GPC6: variants seen among roughly 807,000 people sequenced by gnomAD.
GPC6 encodes glypican 6.
Under a neutral mutation model 55.2 loss-of-function variants are expected in GPC6, and 14 were observed. The ratio of observed to expected loss-of-function variants is 0.25; its 90% CI spans 0.17 to 0.40. GPC6 has a LOEUF of 0.40. Ranked by LOEUF, GPC6 falls within the 10% of genes least tolerant of loss-of-function variation. The pLI is 1.00. For missense variants in GPC6, 641 were observed against 708.5 expected, an observed-to-expected ratio of 0.90 and a Z score of 1.08; for synonymous variants, 278 against 259.6, an observed-to-expected ratio of 1.07 and a Z score of -0.68.
At chr13:93,260,940 A>G (rs1367675896) in intron 1 of GPC6, among the ~76,000 whole-genome samples, 2 of 152,130 alleles carry the variant, frequency 1.3e-5, no homozygotes, top group Non-Finnish European at 2.9e-5. Flanking sequence ...GAATTATAAA[A>G]TGTTATGGTG....
intron 1 of GPC6, among the ~76,000 whole-genome samples, chr13:93,479,608 ACC>A (rs35932826): frequency 2.1e-5 from 3 of 140,980 alleles, no homozygotes; most frequent in South Asian, 2.3e-4. Context: ...ACGTGGTGAG[ACC>A]CCCCCCCATC....
At chr13:93,649,015 G>A (rs1880294116) in intron 2 of GPC6, among the ~76,000 whole-genome samples, 2 of 152,032 alleles carry the variant, frequency 1.3e-5, no homozygotes. Context: ...TAATCTTAAT[G>A]GCATATAATA....
chr13:93,299,654 T>C (rs1390314731), intron 1 of GPC6, among the ~76,000 whole-genome samples: 2 of 152,238 alleles, frequency 1.3e-5, no homozygotes, highest in Non-Finnish European at 2.9e-5. Context: ...TCATTACATT[T>C]TCTCTGCTAT....
chr13:94,272,550 G>A (rs529904349), intron 4 of GPC6, among the ~76,000 whole-genome samples: 2 of 139,630 alleles, frequency 1.4e-5, no homozygotes. Flanking sequence ...CTCACTGCAA[G>A]CTCCGCCTCC....
chr13:93,348,506 G>A (rs1880507668), intron 1 of GPC6, among the ~76,000 whole-genome samples: 1 of 152,184 alleles, frequency 6.6e-6, no homozygotes, highest in Non-Finnish European at 1.5e-5. Context: ...TGAAGAGGAT[G>A]AGGTTAATTG....
chr13:93,905,031 G>GT (rs1270422031), intron 3 of GPC6, among the ~76,000 whole-genome samples: 1 of 143,062 alleles, frequency 7.0e-6, no homozygotes, highest in East Asian at 2.1e-4. Context: ...GTGGTGTTTG[G>GT]TTTTTTGTTC....
intron 1 of GPC6, among the ~76,000 whole-genome samples, chr13:93,538,404 G>A (rs527844141): frequency 1.3e-5 from 2 of 152,210 alleles, no homozygotes; most frequent in East Asian, 1.9e-4. Flanking sequence ...ATGTATTCCT[G>A]GGAGTAAGAA....
intron 1 of GPC6, among the ~76,000 whole-genome samples, chr13:93,292,990 T>A (rs574042686): frequency 6.6e-6 from 1 of 152,302 alleles, no homozygotes; most frequent in East Asian, 1.9e-4. Flanking sequence ...GTTCCTTTTT[T>A]TAATTTTTAT....
chr13:93,220,043 C>T, the GPC6 span, among the ~76,000 whole-genome samples: 1 of 152,110 alleles, frequency 6.6e-6, no homozygotes, highest in Non-Finnish European at 1.5e-5. Context: ...TGGGTTTTCC[C>T]GTAAAATATT....
intron 2 of GPC6, among the ~76,000 whole-genome samples, chr13:93,774,603 C>T (rs1329298010): frequency 6.6e-6 from 1 of 152,008 alleles, no homozygotes; most frequent in Non-Finnish European, 1.5e-5. Context: ...TTAATAATAC[C>T]ATGTTATATT....
chr13:94,190,999 CA>C (rs1250197820), intron 4 of GPC6, among the ~76,000 whole-genome samples: 4 of 152,002 alleles, frequency 2.6e-5, no homozygotes, highest in African/African-American at 4.8e-5. Flanking sequence ...ACAAATGAGG[CA>C]AAATGTTAAC....
chr13:94,046,152 C>T (rs1883725610), intron 4 of GPC6, among the ~76,000 whole-genome samples: 2 of 152,152 alleles, frequency 1.3e-5, no homozygotes, highest in East Asian at 1.9e-4. Flanking sequence ...AGTAACTGAT[C>T]TCCATGTCCC....
intron 1 of GPC6, among the ~76,000 whole-genome samples, chr13:93,503,680 G>C (rs1170028158): frequency 6.6e-6 from 1 of 152,088 alleles, no homozygotes; most frequent in Non-Finnish European, 1.5e-5. Flanking sequence ...TTATGTGGTG[G>C]GGGGACTAGA....
rs144501410 is a variant in GPC6, at chr13:93,969,700, A to T, written c.712-58029A>T. 5.5e-3 allele frequency among the ~76,000 whole-genome samples: 819 copies of T among 150,126 alleles called. 6 individuals are homozygous for T. The highest frequency in any genetic ancestry group is 0.019 in the African/African-American group (769 of 40,846). On this transcript the variant is annotated intron_variant, in intron 3 of 8. Transcript: ENST00000377047. Reference sequence around the variant, plus strand: ...AATGGTCATAAATACATTTACATCCATTTTTTTTTCCTTCATCCCTCCCTC... The same window carrying T: ...AATGGTCATAAATACATTTACATCCTTTTTTTTTTCCTTCATCCCTCCCTC...
At chr13:93,952,840 A>T (rs945416116) in intron 3 of GPC6, among the ~76,000 whole-genome samples, 1 of 146,648 alleles carries the variant, frequency 6.8e-6, no homozygotes, top group Non-Finnish European at 1.5e-5. Flanking sequence ...CGTATATATC[A>T]CACATATATA....
At chr13:93,539,390 G>A (rs1483948734) in intron 1 of GPC6, among the ~76,000 whole-genome samples, 1 of 152,080 alleles carries the variant, frequency 6.6e-6, no homozygotes, top group Non-Finnish European at 1.5e-5. Context: ...AGTTGAACAG[G>A]TTTAGTTATA....
At chr13:93,330,525 CAA>C (rs10709603) in intron 1 of GPC6, among the ~76,000 whole-genome samples, 10,463 of 144,396 alleles carry the variant, frequency 0.072, 501 homozygotes, top group East Asian at 0.12. Flanking sequence ...GACTCTGTTT[CAA>C]AAAAAAAAAA....
At chr13:94,311,199 C>T (rs1457347264) in intron 6 of GPC6, among the ~76,000 whole-genome samples, 1 of 151,998 alleles carries the variant, frequency 6.6e-6, no homozygotes, top group Non-Finnish European at 1.5e-5. Flanking sequence ...TTCCACAATA[C>T]CATTGCATGC....
chr13:93,238,235 T>A (rs1035385477), intron 1 of GPC6, among the ~76,000 whole-genome samples: 2 of 152,190 alleles, frequency 1.3e-5, no homozygotes, highest in African/African-American at 2.4e-5. Flanking sequence ...TGATCTACAG[T>A]TTCTTTCCTC....
Sources: gnomAD v4.1 joint callset for allele counts (sites outside exome capture counted in the v4.1 genomes callset) on GRCh38, gnomAD v4.1.1 for gene constraint, MANE v1.5 for transcripts, NCBI Gene and HGNC (gene_info 2026-07-23, HGNC 2026-07-21) for gene names.